FN3K: variants seen among roughly 807,000 people sequenced by gnomAD.
FN3K encodes the protein fructosamine-3-kinase.
Under a neutral mutation model 24.8 loss-of-function variants are expected in FN3K, and 24 were observed. The observed-to-expected ratio is 0.97, with a 90% confidence interval of 0.70 to 1.36. FN3K has a LOEUF of 1.36. FN3K is among the 40% of genes most tolerant of loss of function. FN3K has a pLI of 0.00. For missense variants in FN3K, 449 were observed against 416.7 expected (o/e 1.08, Z -0.67); for synonymous variants, 192 against 175.2 (o/e 1.10, Z -0.76).
At chr17:82,741,670 G>A in intron 4 of FN3K, 1 of 431,764 alleles carries the variant, frequency 2.3e-6, no homozygotes, top group Non-Finnish European at 4.4e-6. Context: ...CTCCTGATGA[G>A]TCTGAGGGAC....
chr17:82,744,917 A>G (rs115384833), intron 4 of FN3K, among the ~76,000 whole-genome samples: 1,971 of 152,330 alleles, frequency 0.013, 58 homozygotes, highest in African/African-American at 0.045. Flanking sequence ...CTCCAGCCCA[A>G]GGCGGTTTTT....
intron 5 of FN3K, 112 bp from the exon 6 acceptor site, chr17:82,750,304 TG>T: frequency 1.1e-6 from 1 of 937,412 alleles, no homozygotes; most frequent in Non-Finnish European, 1.7e-6. Context: ...CAGGCAGTGC[TG>T]GGGCTGGACA....
At chr17:82,742,674 G>C (rs2143645501) in intron 4 of FN3K, 2 of 456,024 alleles carry the variant, frequency 4.4e-6, no homozygotes, top group Non-Finnish European at 8.8e-6. Flanking sequence ...AATCTGTGAA[G>C]TTCCAAAGAA....
intron 4 of FN3K, among the ~76,000 whole-genome samples, chr17:82,746,672 G>A (rs1218784459): frequency 3.3e-5 from 5 of 151,906 alleles, no homozygotes; most frequent in Admixed American, 6.6e-5. Context: ...GCATGGTGGC[G>A]GGCACCTGTA....
chr17:82,738,491 C>G lies in FN3K; in HGVS notation c.144C>G (p.Ala48=). 1.2e-6 allele frequency: 2 copies of G among 1,612,090 alleles called. No individual in the cohort carries two copies. The highest frequency in any genetic ancestry group is 2.2e-5 in the East Asian group (1 of 44,876). ...VFVKVNRRTQ[A]RQMFEGEVAS... ...ACAAGGCTGTGTTCTGGATGCAGGC[C>G]CGGCAGATGTTTGAGGGGGAGGTGG... Residue 48 remains alanine (A), a splice_region_variant and synonymous_variant, in exon 2 of 6, where the codon GCC becomes GCG. Coordinates refer to ENST00000300784, the MANE Select transcript of FN3K (RefSeq NM_022158.4).
At position 82,735,779 on chromosome 17, in the gene FN3K, T is replaced by A; in HGVS notation, c.141+2T>A. 6.4e-7 allele frequency: 1 copy of A among 1,557,972 alleles called. No individual in the cohort carries two copies. Among genetic ancestry groups the A allele is most frequent in the Non-Finnish European group, 8.7e-7 (1 of 1,152,780 alleles). On this transcript the variant is annotated splice_donor_variant, in intron 1 of 5. Coordinates refer to ENST00000300784, the MANE Select transcript of FN3K (RefSeq NM_022158.4). LOFTEE classifies it high-confidence loss of function. ...GTCAAAGTCAACCGCAGGACGCAGG[T>A]GCTGGCCCGTGCGCAGGCGGGGGCT...
intron 4 of FN3K, 30 bp from the exon 5 acceptor site, chr17:82,748,825 A>G: frequency 1.2e-6 from 2 of 1,609,316 alleles, no homozygotes; most frequent in Non-Finnish European, 1.7e-6. Flanking sequence ...TCCGAATTGC[A>G]ACAGTGGCCT....
At chr17:82,742,194 C>T (rs1052550262) in intron 4 of FN3K, among the ~76,000 whole-genome samples, 22 of 152,170 alleles carry the variant, frequency 1.4e-4, no homozygotes, top group African/African-American at 3.6e-4. Context: ...CACGAGCCAC[C>T]GCGCCTGGAC....
At chr17:82,741,643 G>A (rs1486618857) in intron 4 of FN3K, 1 of 459,698 alleles carries the variant, frequency 2.2e-6, no homozygotes, top group African/African-American at 2.0e-5. Context: ...CAAGTGCAAA[G>A]GTTGTGTTGC....
intron 4 of FN3K, among the ~76,000 whole-genome samples, chr17:82,742,971 C>T (rs565247512): frequency 4.3e-4 from 65 of 152,250 alleles, no homozygotes; most frequent in African/African-American, 1.4e-3. Flanking sequence ...ATTTAGGGTT[C>T]CCAGCCAACA....
chr17:82,750,898 ATCCTCCTGTCCCCG>A lies in FN3K; in HGVS notation c.*147_*160del. On this transcript the variant is annotated 3_prime_UTR_variant, in exon 6 of 6. Transcript: ENST00000300784. ...TCCGTCTCCATCCCCCCGTCCCCCC[ATCCTCCTGTCCCCG>A]TCCCCCCGTCCCCGTCCCTCCATCC... 7.6e-6 allele frequency: 2 copies of A among 264,668 alleles called. No homozygotes were observed. The highest frequency in any genetic ancestry group is 6.6e-5 in the South Asian group (2 of 30,326). The allele number at this position is 264,668 out of a possible 1,614,324, so 16.4% of individuals were successfully genotyped here. A position where few individuals can be genotyped will look rare whatever the true frequency, so the allele number is the denominator to read the frequency against.
intron 4 of FN3K, among the ~76,000 whole-genome samples, chr17:82,746,093 CA>C (rs373867732): frequency 4.4e-4 from 52 of 117,776 alleles, no homozygotes; most frequent in South Asian, 8.8e-4. Flanking sequence ...GACTCCGTCT[CA>C]AAAAAAAAAA....
rs543699832 is a variant in FN3K, at chr17:82,738,316, C to CT, written c.142-173_142-172insT. 457 of 743,736 alleles carry CT rather than the reference C, an allele frequency of 6.1e-4. 2 individuals are homozygous for CT. Among genetic ancestry groups the CT allele is most frequent in the African/African-American group, 6.0e-3 (340 of 56,700 alleles). The allele number at this position is 743,736 out of a possible 1,614,324, so 46.1% of individuals were successfully genotyped here. On this transcript the variant is annotated intron_variant, in intron 1 of 5. Coordinates refer to ENST00000300784, the MANE Select transcript of FN3K (RefSeq NM_022158.4). ...CAGCCTTGCAGCCTCTCGTCTCCGA[C>CT]GGGGGGCCCCTCTGCACCCTGCCCT...
rs1242947676 is a variant in FN3K at position 82,750,977 on chromosome 17, C to T, written c.*222C>T. 2.6e-5 allele frequency: 4 copies of T among 156,346 alleles called. No individual in the cohort carries two copies. In the African/African-American group the frequency reaches 6.1e-4, roughly 24 times the overall value. 9.7% of individuals were successfully genotyped at this position (156,346 alleles called of 1,614,324 possible). On this transcript the variant is annotated 3_prime_UTR_variant, in exon 6 of 6. Transcript: ENST00000300784. Reference sequence around the variant, plus strand: ...CCTGTCCCCCTGTCCACATACCAATCCCCCTGTCCCCGACCCCCCATCCCC... The same window carrying T: ...CCTGTCCCCCTGTCCACATACCAATTCCCCTGTCCCCGACCCCCCATCCCC...
intron 2 of FN3K, 61 bp from the exon 3 acceptor site, chr17:82,740,702 A>G: frequency 8.4e-7 from 1 of 1,194,746 alleles, no homozygotes. Flanking sequence ...AAAATGGAAC[A>G]AACTGGGTGG....
chr17:82,742,007 A>T (rs1184999318), intron 4 of FN3K, among the ~76,000 whole-genome samples: 1 of 152,146 alleles, frequency 6.6e-6, no homozygotes, highest in East Asian at 1.9e-4. Flanking sequence ...TCCTGGGTTC[A>T]AGCGGTTCTC....
chr17:82,742,731 T>C, intron 4 of FN3K: 1 of 456,122 alleles, frequency 2.2e-6, no homozygotes, highest in Non-Finnish European at 4.4e-6. Context: ...AAGAAGCCAA[T>C]ATTGGACCAT....
intron 1 of FN3K, among the ~76,000 whole-genome samples, chr17:82,737,376 C>T (rs757771609): frequency 9.2e-5 from 14 of 151,944 alleles, no homozygotes; most frequent in Non-Finnish European, 1.3e-4. Flanking sequence ...CTTGCTCTGT[C>T]GCCCAGGCTG....
rs1319797440 is a variant in FN3K, at chr17:82,735,787, C to G, written c.141+10C>G. The stretch of plus-strand genomic sequence containing the variant: ...CAACCGCAGGACGCAGGTGCTGGCC[C>G]GTGCGCAGGCGGGGGCTCTGCGGGT... On this transcript the variant is annotated intron_variant, in intron 1 of 5. Coordinates refer to ENST00000300784, the MANE Select transcript of FN3K (RefSeq NM_022158.4). The G allele has an allele frequency of 7.1e-6, 11 of 1,551,554 alleles. No homozygotes were observed. Among genetic ancestry groups the G allele is most frequent in the South Asian group, 3.6e-5 (3 of 84,476 alleles).
Sources: allele counts gnomAD v4.1 joint callset (sites outside exome capture counted in the v4.1 genomes callset), GRCh38; gene constraint gnomAD v4.1.1; transcripts MANE v1.5; gene names NCBI Gene and HGNC (gene_info 2026-07-23, HGNC 2026-07-21).